Variants in L3MBTL4 observed in about 807,000 individuals in gnomAD.
The protein encoded by L3MBTL4 is L3MBTL histone methyl-lysine binding protein 4, also known as lethal(3)malignant brain tumor-like protein 4.
In L3MBTL4, 70 loss-of-function variants were observed where a neutral mutation model predicts 84.5. The observed-to-expected ratio is 0.83, with a 90% CI of 0.68 to 1.01. The LOEUF (loss-of-function observed/expected upper bound fraction) is 1.01, where lower values mean the gene tolerates loss of function less well. Among genes scored for constraint, L3MBTL4 ranks in the 50% least tolerant of loss-of-function variants. L3MBTL4 has a pLI of 0.00. For missense variants in L3MBTL4, 715 were observed against 754.8 expected, an observed-to-expected ratio of 0.95 and a Z score of 0.62; for synonymous variants, 274 against 259.8, an observed-to-expected ratio of 1.05 and a Z score of -0.52.
chr18:6,160,629 T>G (rs796656820), intron 13 of L3MBTL4, among the ~76,000 whole-genome samples: 4 of 149,372 alleles, frequency 2.7e-5, no homozygotes, highest in Non-Finnish European at 5.9e-5. Flanking sequence ...TACCCAAGAG[T>G]ATGAGACAGG....
intron 16 of L3MBTL4, among the ~76,000 whole-genome samples, chr18:6,027,283 A>G (rs6506359): frequency 0.3 from 45,940 of 151,796 alleles, 8,331 homozygotes; most frequent in African/African-American, 0.47. Context: ...AGAACATGCC[A>G]TGTTTGGTTT....
intron 13 of L3MBTL4, 74 bp from the exon 14 acceptor site, chr18:6,138,370 A>T: frequency 1.1e-6 from 1 of 897,028 alleles, no homozygotes; most frequent in South Asian, 1.5e-5. Flanking sequence ...TATGTAAATG[A>T]TGCTAATTAA....
chr18:6,009,347 C>T (rs1324588086), intron 16 of L3MBTL4, among the ~76,000 whole-genome samples: 1 of 152,144 alleles, frequency 6.6e-6, no homozygotes, highest in Non-Finnish European at 1.5e-5. Context: ...AGAGGACAGA[C>T]TGGGTGAAGA....
chr18:6,152,316 C>A (rs1467765287), intron 13 of L3MBTL4, among the ~76,000 whole-genome samples: 1 of 150,526 alleles, frequency 6.6e-6, no homozygotes, highest in Admixed American at 6.6e-5. Context: ...TTTTTTTTTT[C>A]CATAACAGCT....
At chr18:6,130,589 T>C (rs1487712951) in intron 14 of L3MBTL4, among the ~76,000 whole-genome samples, 1 of 152,172 alleles carries the variant, frequency 6.6e-6, no homozygotes, top group Non-Finnish European at 1.5e-5. Context: ...TGGCTCTCAA[T>C]GTAAATAATA....
intron 16 of L3MBTL4, among the ~76,000 whole-genome samples, chr18:6,005,014 T>A (rs1264126586): frequency 7.3e-6 from 1 of 136,086 alleles, no homozygotes; most frequent in African/African-American, 2.7e-5. Flanking sequence ...TTTTTTTTTT[T>A]TTTTTTTTTT....
At chr18:6,062,770 G>A (rs62076857) in intron 16 of L3MBTL4, among the ~76,000 whole-genome samples, 4,126 of 151,778 alleles carry the variant, frequency 0.027, 61 homozygotes, top group South Asian at 0.047. Flanking sequence ...CTCTGTTAAC[G>A]AGCCCGTCAA....
intron 1 of L3MBTL4, among the ~76,000 whole-genome samples, chr18:6,348,892 C>G (rs899061800): frequency 6.6e-6 from 1 of 152,132 alleles, no homozygotes; most frequent in African/African-American, 2.4e-5. Flanking sequence ...TGGGCAAAAG[C>G]TTTGAATGGG....
At chr18:6,126,391 G>T (rs1290669131) in intron 14 of L3MBTL4, among the ~76,000 whole-genome samples, 2 of 152,078 alleles carry the variant, frequency 1.3e-5, no homozygotes, top group Admixed American at 1.3e-4. Flanking sequence ...AAAATTACCA[G>T]ATTTCATCAT....
intron 12 of L3MBTL4, among the ~76,000 whole-genome samples, chr18:6,198,409 C>A (rs1390528608): frequency 6.6e-6 from 1 of 152,168 alleles, no homozygotes; most frequent in Admixed American, 6.5e-5. Context: ...CTTCATTTAT[C>A]CTAATTTTTA....
At chr18:6,112,044 C>T (rs1278808476) in intron 14 of L3MBTL4, among the ~76,000 whole-genome samples, 1 of 152,102 alleles carries the variant, frequency 6.6e-6, no homozygotes, top group Non-Finnish European at 1.5e-5. Context: ...GTTTTTAGAT[C>T]CCATAAAGTG....
chr18:6,155,952 G>A (rs1017997731), intron 13 of L3MBTL4, among the ~76,000 whole-genome samples: 21 of 151,966 alleles, frequency 1.4e-4, no homozygotes, highest in African/African-American at 4.8e-4. Context: ...AAACTATGAC[G>A]TATTTTTAAA....
At chr18:6,019,492 G>A (rs906416136) in intron 16 of L3MBTL4, among the ~76,000 whole-genome samples, 7 of 152,104 alleles carry the variant, frequency 4.6e-5, no homozygotes, top group East Asian at 1.9e-4. Flanking sequence ...TTCTTCGTTC[G>A]TCTTCAGGTG....
At chr18:6,384,284 CAT>C (rs1398437174) in intron 1 of L3MBTL4, among the ~76,000 whole-genome samples, 1 of 152,004 alleles carries the variant, frequency 6.6e-6, no homozygotes, top group African/African-American at 2.4e-5. Flanking sequence ...CATATATATA[CAT>C]ATATATACAC....
chr18:5,988,732 G>A (rs1425661762), intron 16 of L3MBTL4, among the ~76,000 whole-genome samples: 2 of 152,128 alleles, frequency 1.3e-5, no homozygotes, highest in South Asian at 2.1e-4. Flanking sequence ...GCTAGATCAG[G>A]GGTTGTCAAG....
intron 16 of L3MBTL4, chr18:6,017,810 T>C (rs576900429): frequency 1.3e-5 from 2 of 152,334 alleles, no homozygotes; most frequent in Admixed American, 1.3e-4. Flanking sequence ...AGGTGAAAGA[T>C]GTAGTCGTTC....
intron 16 of L3MBTL4, chr18:6,031,053 T>A: frequency 1.0e-6 from 1 of 985,448 alleles, no homozygotes; most frequent in Non-Finnish European, 1.2e-6. Context: ...GACTGCTCCA[T>A]AAAACACTTA....
At chr18:6,384,224 C>T (rs952333482) in intron 1 of L3MBTL4, among the ~76,000 whole-genome samples, 29 of 152,276 alleles carry the variant, frequency 1.9e-4, no homozygotes, top group African/African-American at 6.3e-4. Flanking sequence ...TCAAAATTCT[C>T]TTCTTGTATA....
chr18:5,958,002 G>A (rs1372421767), intron 18 of L3MBTL4, among the ~76,000 whole-genome samples: 1 of 145,696 alleles, frequency 6.9e-6, no homozygotes, highest in Non-Finnish European at 1.5e-5. Flanking sequence ...AAGAAGGAAG[G>A]AGAAGGAGGA....
Sources: allele counts gnomAD v4.1 joint callset (sites outside exome capture counted in the v4.1 genomes callset), GRCh38; gene constraint gnomAD v4.1.1; transcripts MANE v1.5; gene names NCBI Gene and HGNC (gene_info 2026-07-23, HGNC 2026-07-21).